Variants in SLC44A5 observed in about 807,000 individuals in gnomAD.
SLC44A5 encodes the protein choline transporter-like protein 5.
In SLC44A5, 57 loss-of-function variants were observed where a neutral mutation model predicts 101.8. The observed-to-expected ratio is 0.56, with a 90% CI of 0.45 to 0.70. SLC44A5 has a LOEUF of 0.70. Ranked by LOEUF, SLC44A5 falls within the 30% of genes least tolerant of loss-of-function variation. The pLI is 0.00. For synonymous variants in SLC44A5, 281 were observed against 290.9 expected (o/e 0.97, Z 0.35); for missense variants, 737 against 853.1 (o/e 0.86, Z 1.70).
chr1:75,480,932 G>A (rs1239581968), intron 2 of SLC44A5, among the ~76,000 whole-genome samples: 8 of 152,132 alleles, frequency 5.3e-5, no homozygotes, highest in African/African-American at 9.7e-5. Context: ...CCAAAAAAGA[G>A]CCCTCATCGT....
chr1:75,592,767 G>T lies in SLC44A5; in HGVS notation c.-70+18273C>A, dbSNP rs1413533938. ...GGGAAAGAGATTCTCCTCAACAAAT[G>T]GTGCTGGGAAAAATGGATATCTATA... On this transcript the variant is annotated intron_variant, in intron 1 of 23. Coordinates refer to ENST00000370859, the MANE Select transcript of SLC44A5 (RefSeq NM_001130058.2). 2.6e-5 allele frequency among the ~76,000 whole-genome samples: 4 copies of T among 151,946 alleles called. 1 individual carries two copies. The highest frequency in any genetic ancestry group is 4.2e-4 in the South Asian group (2 of 4,812).
chr1:75,514,311 T>C (rs1351889599), intron 2 of SLC44A5, among the ~76,000 whole-genome samples: 1 of 152,222 alleles, frequency 6.6e-6, no homozygotes, highest in African/African-American at 2.4e-5. Context: ...TCTTATATAC[T>C]TATCTTTCAG....
At chr1:75,701,379 C>T in the SLC44A5 span, among the ~76,000 whole-genome samples, 23 of 152,300 alleles carry the variant, frequency 1.5e-4, no homozygotes, top group East Asian at 4.4e-3. Flanking sequence ...CATAATCCAG[C>T]ATATAAACAG....
chr1:75,347,921 T>C (rs1029518389), intron 3 of SLC44A5, among the ~76,000 whole-genome samples: 7 of 152,138 alleles, frequency 4.6e-5, no homozygotes, highest in African/African-American at 1.4e-4. Context: ...TGTGAACTAA[T>C]TGTCAAAAGA....
intron 2 of SLC44A5, among the ~76,000 whole-genome samples, chr1:75,496,639 C>T (rs1000284171): frequency 2.7e-5 from 4 of 149,110 alleles, no homozygotes; most frequent in African/African-American, 9.8e-5. Context: ...AGTGGGACTA[C>T]ATCATGCTAA....
At chr1:75,334,028 C>T (rs1489844667) in intron 4 of SLC44A5, among the ~76,000 whole-genome samples, 2 of 152,186 alleles carry the variant, frequency 1.3e-5, no homozygotes, top group African/African-American at 2.4e-5. Context: ...CTCTTGTCAT[C>T]CAACTCTTAC....
chr1:75,659,108 T>A, the SLC44A5 span, among the ~76,000 whole-genome samples: 3 of 151,648 alleles, frequency 2.0e-5, no homozygotes, highest in African/African-American at 7.3e-5. Flanking sequence ...ACCAATAATA[T>A]GTAACAAGAT....
chr1:75,241,819 T>C (rs1648654258), intron 9 of SLC44A5, among the ~76,000 whole-genome samples, 182 bp downstream of exon 9: 1 of 152,068 alleles, frequency 6.6e-6, no homozygotes, highest in Admixed American at 6.6e-5. Flanking sequence ...CCAGTGAAAA[T>C]GTACCTGGCT....
chr1:75,677,646 G>T, the SLC44A5 span: 1 of 386,202 alleles, frequency 2.6e-6, no homozygotes. Context: ...AATAATAACT[G>T]AAAGTGGAAC....
rs567771227 is a variant in SLC44A5 at position 75,351,109 on chromosome 1, T to C, written c.53-11479A>G. ...TCGCAATTACTTTTGCACCAACCTA[T>C]AGCAATAAAGAGGGTCATTTCATAA... On this transcript the variant is annotated intron_variant, in intron 3 of 23. Transcript: ENST00000370859. Among the ~76,000 whole-genome samples the C allele has an allele frequency of 1.9e-3, 287 of 151,358 alleles. 2 individuals are homozygous for C. Among genetic ancestry groups the C allele is most frequent in the Non-Finnish European group, 2.4e-3 (164 of 67,736 alleles).
intron 2 of SLC44A5, among the ~76,000 whole-genome samples, chr1:75,463,823 C>G (rs1423229097): frequency 6.6e-6 from 1 of 152,174 alleles, no homozygotes; most frequent in Non-Finnish European, 1.5e-5. Context: ...TATTACAACA[C>G]TGTAACTGTG....
At chr1:75,233,899 A>AG (rs1416284677) in intron 12 of SLC44A5, 87 bp downstream of exon 12, 1 of 1,007,894 alleles carries the variant, frequency 9.9e-7, no homozygotes, top group African/African-American at 1.6e-5. Flanking sequence ...TCCACTGAAA[A>AG]CAAATGCTTT....
chr1:75,651,981 A>G, the SLC44A5 span, among the ~76,000 whole-genome samples: 2 of 152,172 alleles, frequency 1.3e-5, no homozygotes, highest in African/African-American at 4.8e-5. Flanking sequence ...GAAACAAGTG[A>G]TCAGCTTCCC....
chr1:75,491,332 A>G (rs1278817426), intron 2 of SLC44A5, among the ~76,000 whole-genome samples: 2 of 152,226 alleles, frequency 1.3e-5, no homozygotes, highest in African/African-American at 4.8e-5. Context: ...ATTTTGAGAC[A>G]GCAAGAATCT....
chr1:75,637,676 A>G, the SLC44A5 span, among the ~76,000 whole-genome samples: 11 of 152,212 alleles, frequency 7.2e-5, no homozygotes, highest in Non-Finnish European at 1.5e-4. Context: ...ATTTTATTAC[A>G]TTAAGAAATT....
Position 75,211,454 on chromosome 1 carries a change from T to C in SLC44A5, c.2047+14A>G, listed in dbSNP as rs976088762. 2 of 1,600,130 alleles carry C rather than the reference T, an allele frequency of 1.2e-6. No homozygotes were observed. The highest frequency in any genetic ancestry group is 1.7e-6 in the Non-Finnish European group (2 of 1,168,282). On this transcript the variant is annotated intron_variant, in intron 23 of 23. Transcript: ENST00000370859. ...ATCCACCGAAGGGGGAAAACACACA[T>C]ACTGAATACTCACAGAAGCAGATGA...
intron 2 of SLC44A5, among the ~76,000 whole-genome samples, chr1:75,409,263 A>G (rs550332204): frequency 7.9e-5 from 12 of 152,246 alleles, no homozygotes; most frequent in African/African-American, 2.9e-4. Context: ...CACATAGCCT[A>G]TTGTTTAGTA....
At chr1:75,516,951 A>T (rs1218976825) in intron 2 of SLC44A5, among the ~76,000 whole-genome samples, 2 of 152,190 alleles carry the variant, frequency 1.3e-5, no homozygotes, top group Non-Finnish European at 2.9e-5. Context: ...GAAGAATTGC[A>T]TGTGGCTCTC....
At chr1:75,633,385 T>C in the SLC44A5 span, among the ~76,000 whole-genome samples, 3 of 152,220 alleles carry the variant, frequency 2.0e-5, no homozygotes, top group Non-Finnish European at 4.4e-5. Flanking sequence ...TTGTATCCTC[T>C]TTTATTTCAT....
Sources: gnomAD v4.1 joint callset for allele counts (sites outside exome capture counted in the v4.1 genomes callset) on GRCh38, gnomAD v4.1.1 for gene constraint, MANE v1.5 for transcripts, NCBI Gene and HGNC (gene_info 2026-07-23, HGNC 2026-07-21) for gene names.